The following PPARGC1A variants were observed in gnomAD, a reference collection of about 807,000 sequenced individuals.
PPARGC1A encodes the protein PPARG coactivator 1 alpha, also known as peroxisome proliferator-activated receptor gamma coactivator 1-alpha.
A neutral mutation model predicts 88.7 loss-of-function variants in PPARGC1A; 25 were observed. The ratio of observed to expected loss-of-function variants is 0.28; its 90% CI spans 0.21 to 0.39. PPARGC1A has a LOEUF of 0.39. Among genes scored for constraint, PPARGC1A ranks in the 10% least tolerant of loss-of-function variants. The probability of loss-of-function intolerance (pLI) is 1.00; values close to 1 mark genes in which losing one functional copy is unlikely to be tolerated. For synonymous variants in PPARGC1A, 363 were observed against 355.6 expected, an observed-to-expected ratio of 1.02 and a Z score of -0.24; for missense variants, 880 against 968.7, an observed-to-expected ratio of 0.91 and a Z score of 1.22.
the PPARGC1A span, among the ~76,000 whole-genome samples, chr4:23,978,306 T>G: frequency 0.84 from 128,565 of 152,200 alleles, 54,392 homozygotes; most frequent in African/African-American, 0.86. Context: ...AGTTAGACTA[T>G]GCTCCATTTA....
the PPARGC1A span, among the ~76,000 whole-genome samples, chr4:24,400,315 C>A: frequency 2.4e-4 from 37 of 152,176 alleles, no homozygotes; most frequent in African/African-American, 8.9e-4. Context: ...CAGCTTCCAT[C>A]GAATATAAAG....
At chr4:24,107,395 G>A in the PPARGC1A span, among the ~76,000 whole-genome samples, 98 of 152,298 alleles carry the variant, frequency 6.4e-4, no homozygotes, top group South Asian at 0.014. Context: ...CTTCCGTCTA[G>A]TAGGGTTGAC....
At chr4:23,918,932 A>C in the PPARGC1A span, among the ~76,000 whole-genome samples, 4 of 152,004 alleles carry the variant, frequency 2.6e-5, no homozygotes, top group East Asian at 7.7e-4. Context: ...TCTGTCCTCT[A>C]CTAGTCTCTC....
At chr4:24,213,165 CTTTTTTTT>C in the PPARGC1A span, among the ~76,000 whole-genome samples, 1 of 100,742 alleles carries the variant, frequency 9.9e-6, no homozygotes, top group African/African-American at 3.7e-5. Context: ...GATTATTTTC[CTTTTTTTT>C]TTTTTTTTTT....
chr4:24,194,681 A>G, the PPARGC1A span, among the ~76,000 whole-genome samples: 2 of 150,120 alleles, frequency 1.3e-5, no homozygotes, highest in Non-Finnish European at 2.9e-5. Context: ...CCCATCAAGA[A>G]GTTACTCAAT....
chr4:23,891,070 C>T (rs1717789572), upstream of PPARGC1A, among the ~76,000 whole-genome samples: 1 of 152,104 alleles, frequency 6.6e-6, no homozygotes, highest in Non-Finnish European at 1.5e-5. Context: ...TATTCAATTC[C>T]TGAGCTTTAC....
the PPARGC1A span, among the ~76,000 whole-genome samples, chr4:23,998,412 A>G: frequency 6.6e-6 from 1 of 152,186 alleles, no homozygotes; most frequent in Non-Finnish European, 1.5e-5. Flanking sequence ...TATGTATCAT[A>G]TAACGGCAAA....
chr4:24,133,893 A>G, the PPARGC1A span, among the ~76,000 whole-genome samples: 1 of 152,220 alleles, frequency 6.6e-6, no homozygotes, highest in Admixed American at 6.5e-5. Flanking sequence ...CTTAAATCCT[A>G]AACTGTCCCT....
At chr4:24,360,226 T>A in the PPARGC1A span, among the ~76,000 whole-genome samples, 1 of 152,146 alleles carries the variant, frequency 6.6e-6, no homozygotes, top group Non-Finnish European at 1.5e-5. Flanking sequence ...CACGGTCCAT[T>A]TTCCACAAAA....
the PPARGC1A span, among the ~76,000 whole-genome samples, chr4:24,207,523 G>C: frequency 6.6e-6 from 1 of 152,182 alleles, no homozygotes; most frequent in African/African-American, 2.4e-5. Context: ...TTGCTGAAAA[G>C]AAACTTGCTC....
At chr4:23,990,053 C>A in the PPARGC1A span, among the ~76,000 whole-genome samples, 2 of 141,926 alleles carry the variant, frequency 1.4e-5, no homozygotes, top group Non-Finnish European at 3.0e-5. Flanking sequence ...TAGAAATAAG[C>A]ATTATAATTA....
the PPARGC1A span, among the ~76,000 whole-genome samples, chr4:24,328,493 C>A: frequency 1.3e-5 from 2 of 152,102 alleles, no homozygotes. Context: ...ATTTTTAACC[C>A]TTTAGGCAGG....
the PPARGC1A span, among the ~76,000 whole-genome samples, chr4:24,370,768 TTTTTTTTTTTTTTA>T: frequency 6.9e-6 from 1 of 143,988 alleles, no homozygotes; most frequent in Admixed American, 6.9e-5. Flanking sequence ...TTTTTTTTTT[TTTTTTTTTTTTTTA>T]CTTTAAGTTC....
At chr4:24,394,228 A>T in the PPARGC1A span, among the ~76,000 whole-genome samples, 25 of 152,198 alleles carry the variant, frequency 1.6e-4, no homozygotes, top group Non-Finnish European at 3.2e-4. Context: ...TAAATTACTC[A>T]TGTGGTAACT....
chr4:24,091,928 TAC>T, the PPARGC1A span, among the ~76,000 whole-genome samples: 383 of 147,746 alleles, frequency 2.6e-3, 3 homozygotes, highest in Middle Eastern at 3.6e-3. Context: ...CTTGCCCCAA[TAC>T]ACACACACAC....
the PPARGC1A span, among the ~76,000 whole-genome samples, chr4:24,271,308 G>A: frequency 2.7e-4 from 38 of 142,056 alleles, no homozygotes; most frequent in Admixed American, 2.1e-3. Context: ...TTAAATAGCG[G>A]ACTGAGTTCC....
chr4:24,075,231 G>A, the PPARGC1A span, among the ~76,000 whole-genome samples: 2 of 152,130 alleles, frequency 1.3e-5, no homozygotes, highest in Non-Finnish European at 2.9e-5. Context: ...TGCCACATGG[G>A]TTTCAAATGG....
chr4:23,873,733 C>T (rs973490668), intron 2 of PPARGC1A, among the ~76,000 whole-genome samples: 1 of 151,972 alleles, frequency 6.6e-6, no homozygotes. Flanking sequence ...AACAAGAAAG[C>T]TTGCCAGAGT....
chr4:23,940,519 T>C, the PPARGC1A span, among the ~76,000 whole-genome samples: 1 of 152,342 alleles, frequency 6.6e-6, no homozygotes, highest in Admixed American at 6.5e-5. Flanking sequence ...TAGATTCTGC[T>C]ATCATGTTAA....
Sources: allele counts gnomAD v4.1 joint callset (sites outside exome capture counted in the v4.1 genomes callset), GRCh38; gene constraint gnomAD v4.1.1; transcripts MANE v1.5; gene names NCBI Gene and HGNC (gene_info 2026-07-23, HGNC 2026-07-21).